IAH1: variants seen among roughly 807,000 people sequenced by gnomAD.
IAH1 encodes the protein isoamyl acetate hydrolyzing esterase 1 (putative).
IAH1 carries 24 observed loss-of-function variants against 26.7 expected under a neutral mutation model. The observed-to-expected ratio is 0.90, with a 90% CI of 0.65 to 1.26. The LOEUF is 1.26. IAH1 is among the 50% of genes most tolerant of loss of function. IAH1 has a pLI of 0.00. For missense variants in IAH1, 300 were observed against 299.9 expected (o/e 1.00, Z 0.00); for synonymous variants, 140 against 118.5 (o/e 1.18, Z -1.18).
chr2:9,507,668 C>T, the IAH1 span, among the ~76,000 whole-genome samples: 2 of 151,894 alleles, frequency 1.3e-5, no homozygotes, highest in African/African-American at 4.8e-5. Flanking sequence ...ACTGGCAGCT[C>T]CAGAAAAAAA....
At chr2:9,482,048 T>TTTTG (rs1553352756) in intron 4 of IAH1, among the ~76,000 whole-genome samples, 4 of 151,180 alleles carry the variant, frequency 2.6e-5, no homozygotes, top group African/African-American at 4.9e-5. Context: ...TTTTTTTTTT[T>TTTTG]GGAGATAGAG....
In IAH1 at chr2:9,487,823, TGTGTGTGTGTGC is replaced by T. The variant is rs1369593691; in HGVS notation, c.565-322_565-311del. 2.1e-3 allele frequency among the ~76,000 whole-genome samples: 209 copies of T among 97,406 alleles called. 1 individual carries two copies. Among genetic ancestry groups the T allele is most frequent in the Admixed American group, 5.8e-3 (63 of 10,782 alleles). 63.9% of individuals were successfully genotyped at this position (97,406 alleles called of 152,430 possible). On this transcript the variant is annotated intron_variant, in intron 5 of 5. Transcript: ENST00000497473. ...GTGTGTGTGTGTGTGTGTGTGTGTG[TGTGTGTGTGTGC>T]GCGCGCGCGCGCGCGCTGTGGGGGG...
chr2:9,486,619 G>A (rs1481060625), intron 5 of IAH1: 1 of 152,192 alleles, frequency 6.6e-6, no homozygotes, highest in African/African-American at 2.4e-5. Flanking sequence ...CCTGAGGTCA[G>A]GAGTTCGAGA....
chr2:9,505,029 G>A, the IAH1 span: 3 of 969,462 alleles, frequency 3.1e-6, no homozygotes, highest in Non-Finnish European at 4.6e-6. Context: ...TGCTGTGAAG[G>A]GCAAAAGAGG....
intron 2 of IAH1, among the ~76,000 whole-genome samples, chr2:9,476,946 G>T (rs1171076623): frequency 1.3e-5 from 2 of 152,186 alleles, no homozygotes; most frequent in African/African-American, 4.8e-5. Context: ...GCAGCAGTGT[G>T]ATCAGGGCTC....
chr2:9,490,952 GA>G, downstream of IAH1: 1 of 659,432 alleles, frequency 1.5e-6, no homozygotes, highest in South Asian at 2.0e-5. Context: ...ACTGTTGTCA[GA>G]AGGGTAAACA....
At chr2:9,507,374 C>A in the IAH1 span, among the ~76,000 whole-genome samples, 3 of 152,034 alleles carry the variant, frequency 2.0e-5, no homozygotes, top group Non-Finnish European at 2.9e-5. Context: ...TGGTGGCATG[C>A]ACCTGTAACC....
chr2:9,499,113 C>T (rs66755784), downstream of IAH1, among the ~76,000 whole-genome samples: 47 of 47,478 alleles, frequency 9.9e-4, no homozygotes, highest in Non-Finnish European at 1.7e-3. Context: ...CTTTCTTCTT[C>T]TTTTTTTTTT....
chr2:9,484,283 A>G (rs949948503), intron 4 of IAH1, 149 bp from the exon 5 acceptor site: 1 of 662,280 alleles, frequency 1.5e-6, no homozygotes, highest in Non-Finnish European at 2.7e-6. Context: ...TGCAAGGCTC[A>G]TCAACATATA....
chr2:9,497,193 C>T, downstream of IAH1: 5 of 1,614,226 alleles, frequency 3.1e-6, no homozygotes, highest in Non-Finnish European at 4.2e-6. Context: ...TGCCAAGATC[C>T]AAGCAAACAG....
chr2:9,510,010 A>G, the IAH1 span: 3 of 1,614,126 alleles, frequency 1.9e-6, no homozygotes, highest in Non-Finnish European at 2.5e-6. Flanking sequence ...ACTCACAGCT[A>G]TGGGATACAT....
intron 3 of IAH1, among the ~76,000 whole-genome samples, chr2:9,479,092 AAG>A (rs1661000588): frequency 6.6e-6 from 1 of 152,152 alleles, no homozygotes; most frequent in Non-Finnish European, 1.5e-5. Context: ...CAACTGCAGT[AAG>A]AGGAATTCTT....
downstream of IAH1, among the ~76,000 whole-genome samples, chr2:9,492,420 G>A (rs551089538): frequency 8.5e-4 from 129 of 152,340 alleles, no homozygotes; most frequent in Non-Finnish European, 1.7e-3. Flanking sequence ...TGGGGAAGAT[G>A]TAAATACTCT....
chr2:9,494,416 C>T (rs934914374), downstream of IAH1, among the ~76,000 whole-genome samples: 11 of 152,162 alleles, frequency 7.2e-5, no homozygotes, highest in African/African-American at 2.7e-4. Context: ...CAGTCCTTCT[C>T]AGTCTCTGGG....
At chr2:9,508,529 T>C in the IAH1 span, among the ~76,000 whole-genome samples, 3 of 152,378 alleles carry the variant, frequency 2.0e-5, no homozygotes, top group South Asian at 6.2e-4. Flanking sequence ...TATAAGTCAA[T>C]TTTAGGACAT....
downstream of IAH1, among the ~76,000 whole-genome samples, chr2:9,501,297 A>C (rs1305325487): frequency 1.3e-5 from 2 of 152,198 alleles, no homozygotes; most frequent in African/African-American, 4.8e-5. Flanking sequence ...TCATCATGCT[A>C]ATAGGACAGC....
At chr2:9,475,689 CGG>C in intron 1 of IAH1, 1 of 410,860 alleles carries the variant, frequency 2.4e-6, no homozygotes, top group East Asian at 5.0e-5. Flanking sequence ...TTAGTAGAGA[CGG>C]GGTTTCGCCA....
At chr2:9,488,086 CA>C in intron 5 of IAH1, 60 bp from the exon 6 acceptor site, 1 of 1,133,332 alleles carries the variant, frequency 8.8e-7, no homozygotes, top group Non-Finnish European at 1.2e-6. Context: ...GTTGGAATGA[CA>C]GGGGTGAGCT....
chr2:9,480,976 G>T, intron 3 of IAH1: 1 of 219,514 alleles, frequency 4.6e-6, no homozygotes, highest in South Asian at 1.1e-4. Flanking sequence ...AACCTAGGCC[G>T]TCTCACCCAA....
Sources: allele counts gnomAD v4.1 joint callset (sites outside exome capture counted in the v4.1 genomes callset), GRCh38; gene constraint gnomAD v4.1.1; transcripts MANE v1.5; gene names NCBI Gene and HGNC (gene_info 2026-07-23, HGNC 2026-07-21).